GPRC6A: variants seen among roughly 807,000 people sequenced by gnomAD.
The protein encoded by GPRC6A is G protein-coupled receptor class C group 6 member A.
Under a neutral mutation model 47.0 loss-of-function variants are expected in GPRC6A, and 54 were observed. That is an observed-to-expected ratio of 1.15 (90% CI 0.92 to 1.44). The LOEUF is 1.44. Ranked by LOEUF, GPRC6A falls within the 40% of genes most tolerant of loss-of-function variation. The pLI, the probability that GPRC6A is intolerant of heterozygous loss-of-function variation, is 0.00. For synonymous variants in GPRC6A, 347 were observed against 377.1 expected (o/e 0.92, Z 0.93); for missense variants, 1,112 against 1,105.5 (o/e 1.01, Z -0.08).
At chr6:116,819,981 A>C (rs1195658226) in intron 1 of GPRC6A, among the ~76,000 whole-genome samples, 3 of 150,526 alleles carry the variant, frequency 2.0e-5, no homozygotes, top group African/African-American at 7.4e-5. Flanking sequence ...TAAAGAAAAA[A>C]AGAGAGAAGA....
intron 1 of GPRC6A, among the ~76,000 whole-genome samples, chr6:116,826,371 C>A (rs570927744): frequency 1.3e-5 from 2 of 151,588 alleles, no homozygotes; most frequent in East Asian, 3.9e-4. Context: ...AACAAGTGGT[C>A]AAAGAACATG....
intron 4 of GPRC6A, among the ~76,000 whole-genome samples, chr6:116,800,066 C>T (rs1772610627): frequency 6.6e-6 from 1 of 152,016 alleles, no homozygotes; most frequent in Non-Finnish European, 1.5e-5. Context: ...CATAAAATAG[C>T]CATCTAGGAA....
At chr6:116,816,301 A>C (rs753984953) in intron 1 of GPRC6A, among the ~76,000 whole-genome samples, 6 of 152,244 alleles carry the variant, frequency 3.9e-5, no homozygotes, top group Non-Finnish European at 7.3e-5. Context: ...GGCATTTGGT[A>C]AATACTCCTA....
chr6:116,818,299 C>G (rs1440107968), intron 1 of GPRC6A, among the ~76,000 whole-genome samples: 1 of 151,518 alleles, frequency 6.6e-6, no homozygotes, highest in Non-Finnish European at 1.5e-5. Context: ...CTTTGGGAGG[C>G]CGAGGCGGGC....
Position 116,812,182 on chromosome 6 carries a change from A to C in GPRC6A, c.195-2565T>G, listed in dbSNP as rs148962092. Among the ~76,000 whole-genome samples, 639 of 152,298 alleles carry C rather than the reference A, an allele frequency of 4.2e-3. 4 individuals are homozygous for C. The highest frequency in any genetic ancestry group is 0.015 in the African/African-American group (608 of 41,578). On this transcript the variant is annotated intron_variant, in intron 1 of 5. Coordinates refer to ENST00000310357, the MANE Select transcript of GPRC6A (RefSeq NM_148963.4). ...TTATACTAACAGAGGATATCTCAGC[A>C]GAAACCTTATAGGCCAGAAGAGAAT...
chr6:116,806,862 G>T lies in GPRC6A; in HGVS notation c.843C>A (p.Phe281Leu). 1 of 1,613,260 alleles carries T rather than the reference G, an allele frequency of 6.2e-7. No individual in the cohort carries two copies. Among genetic ancestry groups the T allele is most frequent in the South Asian group, 1.1e-5 (1 of 91,050 alleles). Reference sequence around the variant, plus strand: ...CTTTATTGAAGAGATCAAAAACATGGAATTGCCTCAGAAATACCACAATGA... The same window carrying T: ...CTTTATTGAAGAGATCAAAAACATGTAATTGCCTCAGAAATACCACAATGA... ...VNVIVVFLRQ[F>L]HVFDLFNKAI... The change falls in exon 3 of 6, where the codon TTC becomes TTA. Residue 281 changes from phenylalanine (F) to leucine (L), a missense_variant. Physicochemically the swap from Phe to Leu is conservative, Grantham distance 22 (BLOSUM62 0). Transcript: ENST00000310357.
At chr6:116,810,525 A>T (rs1375157148) in intron 1 of GPRC6A, among the ~76,000 whole-genome samples, 4 of 151,780 alleles carry the variant, frequency 2.6e-5, no homozygotes, top group Admixed American at 6.6e-5. Context: ...TTGGCCAGAT[A>T]CTCTTCTCCC....
At chr6:116,808,032 G>A (rs575646545) in intron 2 of GPRC6A, among the ~76,000 whole-genome samples, 5 of 150,678 alleles carry the variant, frequency 3.3e-5, no homozygotes, top group African/African-American at 1.2e-4. Flanking sequence ...GCTGCCATGT[G>A]GTGTGATGGA....
chr6:116,798,639 C>T (rs567559428), intron 4 of GPRC6A, among the ~76,000 whole-genome samples: 1 of 152,048 alleles, frequency 6.6e-6, no homozygotes, highest in South Asian at 2.1e-4. Context: ...AATTCCAGCA[C>T]TTTAGGAGGC....
At chr6:116,814,340 A>T (rs988192555) in intron 1 of GPRC6A, among the ~76,000 whole-genome samples, 1 of 152,188 alleles carries the variant, frequency 6.6e-6, no homozygotes, top group Admixed American at 6.5e-5. Flanking sequence ...AATAGCAAAG[A>T]CTTGCAACCA....
chr6:116,804,307 C>A (rs1055838334), intron 3 of GPRC6A, among the ~76,000 whole-genome samples: 2 of 151,980 alleles, frequency 1.3e-5, no homozygotes, highest in African/African-American at 4.8e-5. Flanking sequence ...TAAGTGCTAT[C>A]CTCAAACACT....
chr6:116,821,473 C>T (rs546439886), intron 1 of GPRC6A, among the ~76,000 whole-genome samples: 3 of 152,058 alleles, frequency 2.0e-5, no homozygotes, highest in East Asian at 1.9e-4. Context: ...TACAAGGCGA[C>T]AGTAACCAAA....
At chr6:116,815,041 A>T (rs747412814) in intron 1 of GPRC6A, among the ~76,000 whole-genome samples, 1 of 152,186 alleles carries the variant, frequency 6.6e-6, no homozygotes, top group Non-Finnish European at 1.5e-5. Flanking sequence ...TTTAAAATTT[A>T]TATGCAACCA....
chr6:116,798,929 G>A (rs1279592400), intron 4 of GPRC6A, among the ~76,000 whole-genome samples: 108 of 151,750 alleles, frequency 7.1e-4, no homozygotes. Flanking sequence ...TAAGAGGGGA[G>A]GCAGAAAACC....
At chr6:116,829,114 T>C, upstream of GPRC6A, 2 of 1,386,052 alleles carry the variant, frequency 1.4e-6, no homozygotes, top group Non-Finnish European at 1.9e-6. Context: ...CCTTATAAGG[T>C]ATAGGACAGT....
At position 116,809,534 on chromosome 6, in the gene GPRC6A, A is replaced by T. The variant is rs934086322; in HGVS notation, c.278T>A (p.Val93Asp). 9.3e-6 allele frequency: 15 copies of T among 1,612,730 alleles called. No individual in the cohort carries two copies. Among genetic ancestry groups the T allele is most frequent in the Middle Eastern group, 1.6e-4 (1 of 6,084 alleles). Reference sequence around the variant, plus strand: ...GTCATAGATTTCATACCCCAGTTTGACTCCAGGTAAGAGTGTTGAATTGTT... The same window carrying T: ...GTCATAGATTTCATACCCCAGTTTGTCTCCAGGTAAGAGTGTTGAATTGTT... ...MINNSTLLPG[V>D]KLGYEIYDTC... is the part of the protein sequence containing the mutation. Residue 93 changes from valine to aspartate, a missense_variant, in exon 2 of 6, where the codon GTC becomes GAC. Physicochemically the swap from Val to Asp is radical, Grantham distance 152. Transcript: ENST00000310357.
intron 1 of GPRC6A, among the ~76,000 whole-genome samples, chr6:116,820,465 T>C (rs1328774054): frequency 6.6e-6 from 1 of 151,808 alleles, no homozygotes; most frequent in East Asian, 1.9e-4. Flanking sequence ...CTCAATAAAA[T>C]ACTGGCAAAA....
Position 116,800,812 on chromosome 6 carries a change from A to G in GPRC6A, c.1336-16T>C, listed in dbSNP as rs1772651066. The G allele has an allele frequency of 1.3e-6, 2 of 1,493,886 alleles. No homozygotes were observed. 92.5% of individuals were successfully genotyped at this position (1,493,886 alleles called of 1,614,324 possible). A position where few individuals can be genotyped will look rare whatever the true frequency, so the allele number is the denominator to read the frequency against. On this transcript the variant is annotated splice_polypyrimidine_tract_variant and intron_variant, in intron 3 of 5. Transcript: ENST00000310357. ...CACCAAGTAACTATAAAAAATAAAA[A>G]CAGAGATAAGCACTTAATATAAATG...
intron 1 of GPRC6A, among the ~76,000 whole-genome samples, chr6:116,816,554 C>G (rs1183602595): frequency 6.6e-6 from 1 of 151,970 alleles, no homozygotes; most frequent in South Asian, 2.1e-4. Context: ...CGAATAGGAA[C>G]AGCTCCGGTC....
Sources: allele counts gnomAD v4.1 joint callset (sites outside exome capture counted in the v4.1 genomes callset), GRCh38; gene constraint gnomAD v4.1.1; transcripts MANE v1.5; gene names NCBI Gene and HGNC (gene_info 2026-07-23, HGNC 2026-07-21).